Variants in GAS7 observed in about 807,000 individuals in gnomAD.
GAS7 encodes growth arrest-specific protein 7.
In GAS7, 28 loss-of-function variants were observed where a neutral mutation model predicts 71.1. That is an observed-to-expected ratio of 0.39 (90% CI 0.29 to 0.54). The LOEUF (loss-of-function observed/expected upper bound fraction) is 0.54, where lower values mean the gene tolerates loss of function less well. Among genes scored for constraint, GAS7 ranks in the 20% least tolerant of loss-of-function variants. GAS7 has a pLI of 0.62. For synonymous variants in GAS7, 258 were observed against 245.8 expected, an observed-to-expected ratio of 1.05 and a Z score of -0.46; for missense variants, 436 against 627.8, an observed-to-expected ratio of 0.69 and a Z score of 3.27.
intron 1 of GAS7, among the ~76,000 whole-genome samples, chr17:10,046,754 GAAAA>G (rs1217698302): frequency 3.8e-5 from 3 of 79,684 alleles, no homozygotes; most frequent in Admixed American, 1.4e-4. Flanking sequence ...AAAAAGAAAA[GAAAA>G]GAAAGAAAGA....
In GAS7 at chr17:9,922,791, G is replaced by A. The variant is rs538166229; in HGVS notation, c.1138+2685C>T. On this transcript the variant is annotated intron_variant, in intron 11 of 13. Transcript: ENST00000432992. The stretch of plus-strand genomic sequence containing the variant: ...GAAAACCCAAATAGCAAAACATAAT[G>A]AAAATAGCAGAAATAAAACCACCAC... Among the ~76,000 whole-genome samples, 153 of 152,314 alleles carry A rather than the reference G, an allele frequency of 1.0e-3. 1 individual carries two copies. The highest frequency in any genetic ancestry group is 3.6e-3 in the African/African-American group (148 of 41,580).
At chr17:9,943,652 G>A (rs2152094342) in intron 6 of GAS7, among the ~76,000 whole-genome samples, 1 of 152,290 alleles carries the variant, frequency 6.6e-6, no homozygotes, top group Admixed American at 6.5e-5. Flanking sequence ...GGTACCCCCA[G>A]CCTTAAGCCA....
intron 1 of GAS7, among the ~76,000 whole-genome samples, chr17:10,091,411 C>T (rs373748348): frequency 2.6e-5 from 4 of 152,044 alleles, no homozygotes; most frequent in Non-Finnish European, 5.9e-5. Flanking sequence ...TTGTTTGGGA[C>T]GGAGTCTTGC....
At position 10,198,351 on chromosome 17, in the gene GAS7, C is replaced by T. The variant is rs1167018122; in HGVS notation, c.40G>A (p.Gly14Arg). Residue 14 changes from glycine to arginine, a missense_variant, in exon 1 of 14, where the codon GGG (glycine) becomes AGG (arginine). By Grantham distance (125) the Gly-to-Arg change is moderately radical. Coordinates refer to ENST00000432992, the MANE Select transcript of GAS7 (RefSeq NM_201433.2). ...CGCAGCCCCTGGCCGTGCCGCTCCCCGGAGAAGGGGTACAGGGTCCGGCAG... is the reference window on the plus strand; with the variant it reads ...CGCAGCCCCTGGCCGTGCCGCTCCCTGGAGAAGGGGTACAGGGTCCGGCAG... ...ARCRTLYPFSGERHGQGLRFA... is the reference protein window; with the variant it reads ...ARCRTLYPFSRERHGQGLRFA... 2 of 1,598,084 alleles carry T rather than the reference C, an allele frequency of 1.3e-6. No homozygotes were observed. Among genetic ancestry groups the T allele is most frequent in the Middle Eastern group, 1.7e-4 (1 of 5,960 alleles).
chr17:9,923,284 T>TA (rs967956402), intron 11 of GAS7, among the ~76,000 whole-genome samples: 30 of 145,400 alleles, frequency 2.1e-4, no homozygotes, highest in Non-Finnish European at 1.4e-4. Flanking sequence ...TCTAGGTGAT[T>TA]AAAAAAAAAG....
intron 5 of GAS7, among the ~76,000 whole-genome samples, chr17:9,950,343 A>G (rs1015575404): frequency 6.6e-6 from 1 of 152,074 alleles, no homozygotes; most frequent in Non-Finnish European, 1.5e-5. Flanking sequence ...CCTTGTCTCT[A>G]CAAAAAATAA....
At chr17:9,949,885 C>T (rs1395211031) in intron 5 of GAS7, among the ~76,000 whole-genome samples, 1 of 131,992 alleles carries the variant, frequency 7.6e-6, no homozygotes, top group Non-Finnish European at 1.6e-5. Flanking sequence ...CTTTTTTAGA[C>T]AGAATCTTGC....
At chr17:10,017,422 G>A (rs1001914908) in intron 2 of GAS7, among the ~76,000 whole-genome samples, 3 of 151,034 alleles carry the variant, frequency 2.0e-5, no homozygotes, top group African/African-American at 4.9e-5. Flanking sequence ...TCCACCTCAC[G>A]CGTTCAAGCG....
intron 2 of GAS7, among the ~76,000 whole-genome samples, chr17:10,002,152 C>T (rs1024578135): frequency 2.6e-5 from 4 of 152,186 alleles, no homozygotes; most frequent in African/African-American, 7.2e-5. Flanking sequence ...AGAACAGAAA[C>T]GTATTGTTAC....
intron 6 of GAS7, among the ~76,000 whole-genome samples, chr17:9,945,040 T>A (rs1181983303): frequency 6.6e-6 from 1 of 152,034 alleles, no homozygotes; most frequent in Non-Finnish European, 1.5e-5. Flanking sequence ...AGTGTCGCCC[T>A]CCGGATGCTG....
At chr17:9,918,695 A>G (rs1343665207) in intron 12 of GAS7, among the ~76,000 whole-genome samples, 1 of 152,242 alleles carries the variant, frequency 6.6e-6, no homozygotes, top group East Asian at 1.9e-4. Flanking sequence ...CCAGGGAGGC[A>G]GACTGGGCTG....
At chr17:10,004,805 T>A (rs934790775) in intron 2 of GAS7, among the ~76,000 whole-genome samples, 3 of 151,136 alleles carry the variant, frequency 2.0e-5, no homozygotes, top group East Asian at 1.9e-4. Flanking sequence ...AGGTCAGGAG[T>A]TCAAGACCAG....
chr17:9,982,403 C>G (rs1881601633), intron 2 of GAS7, among the ~76,000 whole-genome samples: 3 of 152,304 alleles, frequency 2.0e-5, no homozygotes, highest in Admixed American at 6.5e-5. Flanking sequence ...TTTCGCAGTT[C>G]TAAGTCTCAT....
intron 1 of GAS7, among the ~76,000 whole-genome samples, chr17:10,081,280 G>T (rs1310503628): frequency 1.3e-5 from 2 of 152,094 alleles, no homozygotes; most frequent in Non-Finnish European, 2.9e-5. Flanking sequence ...TCAGCCTCCT[G>T]AGTAGCTGGG....
At chr17:9,967,338 A>C (rs2069760102) in intron 4 of GAS7, among the ~76,000 whole-genome samples, 1 of 152,176 alleles carries the variant, frequency 6.6e-6, no homozygotes, top group African/African-American at 2.4e-5. Context: ...TTTCAAGTTG[A>C]GCACTTCTTT....
chr17:10,175,476 C>A (rs952036070), intron 1 of GAS7, among the ~76,000 whole-genome samples: 1 of 152,138 alleles, frequency 6.6e-6, no homozygotes, highest in Admixed American at 6.5e-5. Flanking sequence ...TTACAAACAG[C>A]CGTCTTCTCC....
At chr17:10,012,274 T>G (rs549178057) in intron 2 of GAS7, among the ~76,000 whole-genome samples, 1 of 152,220 alleles carries the variant, frequency 6.6e-6, no homozygotes, top group East Asian at 1.9e-4. Context: ...TGCCTGGCCT[T>G]CCAGTTATAT....
intron 9 of GAS7, chr17:9,927,076 T>G (rs1480563978): frequency 6.5e-6 from 2 of 309,120 alleles, no homozygotes; most frequent in African/African-American, 4.2e-5. Flanking sequence ...GCTTTTAAAT[T>G]TTTAGAATTT....
At chr17:9,922,721 A>G (rs2152071017) in intron 11 of GAS7, among the ~76,000 whole-genome samples, 1 of 152,388 alleles carries the variant, frequency 6.6e-6, no homozygotes. Flanking sequence ...GCTTGTAAAC[A>G]TATAAAGATT....
Sources: gnomAD v4.1 joint callset for allele counts (sites outside exome capture counted in the v4.1 genomes callset) on GRCh38, gnomAD v4.1.1 for gene constraint, MANE v1.5 for transcripts, NCBI Gene and HGNC (gene_info 2026-07-23, HGNC 2026-07-21) for gene names.